The following MARK3 variants were observed in gnomAD, a reference collection of about 807,000 sequenced individuals.
MARK3 encodes the protein MAP/microtubule affinity-regulating kinase 3.
In MARK3, 46 loss-of-function variants were observed where a neutral mutation model predicts 90.1. The ratio of observed to expected loss-of-function variants is 0.51; its 90% CI spans 0.40 to 0.65. The LOEUF is 0.65. Ranked by LOEUF, MARK3 falls within the 30% of genes least tolerant of loss-of-function variation. The pLI is 0.00. For synonymous variants in MARK3, 321 were observed against 332.6 expected (o/e 0.97, Z 0.38); for missense variants, 818 against 947.2 (o/e 0.86, Z 1.79).
chr14:103,420,736 T>G (rs2140952731), intron 2 of MARK3, among the ~76,000 whole-genome samples: 1 of 152,302 alleles, frequency 6.6e-6, no homozygotes, highest in East Asian at 1.9e-4. Context: ...AATTTATTTG[T>G]AACACCCAAA....
At chr14:103,487,164 G>T (rs12878548) in intron 14 of MARK3, among the ~76,000 whole-genome samples, 51,306 of 149,846 alleles carry the variant, frequency 0.34, 9,223 homozygotes, top group East Asian at 0.5. Flanking sequence ...CAATCCACCC[G>T]CCTCAGCCTC....
chr14:103,466,149 A>C (rs1228833107), intron 9 of MARK3, 58 bp downstream of exon 9: 1 of 1,584,378 alleles, frequency 6.3e-7, no homozygotes, highest in Non-Finnish European at 8.6e-7. Context: ...GTGACCTTAG[A>C]TCTTTGCTTG....
intron 14 of MARK3, among the ~76,000 whole-genome samples, chr14:103,487,108 G>T (rs2141960714): frequency 6.6e-6 from 1 of 151,242 alleles, no homozygotes; most frequent in Middle Eastern, 3.4e-3. Context: ...GTAGTGATGG[G>T]TTTTTGCCAT....
At chr14:103,499,815 G>A (rs2075553914) in intron 16 of MARK3, 2 of 273,872 alleles carry the variant, frequency 7.3e-6, no homozygotes, top group Non-Finnish European at 1.4e-5. Flanking sequence ...GAGGCCGAGT[G>A]TGCTCAGGCT....
intron 15 of MARK3, among the ~76,000 whole-genome samples, chr14:103,495,493 G>C (rs2075291298): frequency 6.9e-6 from 1 of 144,570 alleles, no homozygotes; most frequent in African/African-American, 2.6e-5. Flanking sequence ...AAAAAAAAAA[G>C]TATCAGGCTG....
At chr14:103,422,009 A>G (rs2092240862) in intron 2 of MARK3, among the ~76,000 whole-genome samples, 1 of 152,206 alleles carries the variant, frequency 6.6e-6, no homozygotes, top group Admixed American at 6.5e-5. Context: ...GGCCACTTTT[A>G]ATCTTTTAAA....
intron 1 of MARK3, among the ~76,000 whole-genome samples, chr14:103,399,989 C>T (rs1373564240): frequency 3.3e-5 from 5 of 150,158 alleles, no homozygotes; most frequent in South Asian, 2.2e-4. Context: ...AGTGCAGTGG[C>T]GGAATCTCAG....
At chr14:103,421,552 T>C (rs1330040104) in intron 2 of MARK3, among the ~76,000 whole-genome samples, 2 of 152,328 alleles carry the variant, frequency 1.3e-5, no homozygotes, top group African/African-American at 4.8e-5. Context: ...CTTAGCCTCA[T>C]AGAGGCCAGA....
rs983038241 is a variant in MARK3, at chr14:103,450,024, C to G, written c.346+1057C>G. Among the ~76,000 whole-genome samples the G allele has an allele frequency of 2.6e-5, 4 of 152,092 alleles. No homozygotes were observed. The South Asian group carries it at 8.3e-4, about 32-fold the overall frequency. On this transcript the variant is annotated intron_variant, in intron 4 of 17. Coordinates refer to ENST00000429436, the MANE Select transcript of MARK3 (RefSeq NM_001128918.3). ...AGAGAGCTGCTTTTTTAACAAAAGG[C>G]GTATGCCCTATTTCATCAGTCTAAA...
chr14:103,481,390 C>G (rs2093815401), intron 14 of MARK3, among the ~76,000 whole-genome samples: 1 of 152,130 alleles, frequency 6.6e-6, no homozygotes, highest in African/African-American at 2.4e-5. Flanking sequence ...GTGTGAGGTT[C>G]TGTTTCTTAA....
intron 6 of MARK3, 37 bp downstream of exon 6, chr14:103,457,249 A>C (rs1296109849): frequency 8.4e-6 from 12 of 1,431,308 alleles, no homozygotes; most frequent in Middle Eastern, 2.0e-4. Context: ...TCAATTTGAT[A>C]ATTTATCTCA....
intron 3 of MARK3, among the ~76,000 whole-genome samples, chr14:103,444,312 G>C (rs1457540111): frequency 1.3e-5 from 2 of 151,938 alleles, no homozygotes; most frequent in African/African-American, 4.8e-5. Context: ...TTCTCCTCTT[G>C]TGTGCCAGTT....
chr14:103,502,452 C>G (rs1265135622), intron 17 of MARK3, among the ~76,000 whole-genome samples: 2 of 152,196 alleles, frequency 1.3e-5, no homozygotes, highest in East Asian at 3.8e-4. Flanking sequence ...TACAGTGATT[C>G]ACATCTGAAA....
At chr14:103,444,575 G>A (rs535917968) in intron 3 of MARK3, among the ~76,000 whole-genome samples, 94 of 152,206 alleles carry the variant, frequency 6.2e-4, no homozygotes, top group African/African-American at 2.1e-3. Flanking sequence ...TCAGGAGATC[G>A]AGACCATCCT....
At chr14:103,480,070 G>A (rs1323865760) in intron 13 of MARK3, among the ~76,000 whole-genome samples, 1 of 151,812 alleles carries the variant, frequency 6.6e-6, no homozygotes, top group Non-Finnish European at 1.5e-5. Flanking sequence ...GCAGTGAGCC[G>A]AGATCGCACC....
intron 3 of MARK3, among the ~76,000 whole-genome samples, chr14:103,446,658 T>G (rs1202636308): frequency 6.6e-6 from 1 of 151,318 alleles, no homozygotes; most frequent in Admixed American, 6.6e-5. Context: ...TCATTCTCAG[T>G]GCTGTGTATC....
At chr14:103,419,300 T>C (rs967710880) in intron 2 of MARK3, among the ~76,000 whole-genome samples, 14 of 152,000 alleles carry the variant, frequency 9.2e-5, no homozygotes, top group Non-Finnish European at 1.9e-4. Context: ...CATAAATAAA[T>C]AAATAAATAG....
chr14:103,485,378 A>T (rs1332172162), intron 14 of MARK3, among the ~76,000 whole-genome samples: 4 of 149,016 alleles, frequency 2.7e-5, no homozygotes, highest in Non-Finnish European at 5.9e-5. Flanking sequence ...GGCTCAAATG[A>T]TCCTCCTGTG....
chr14:103,465,489 C>G, intron 7 of MARK3, 68 bp from the exon 8 acceptor site: 1 of 1,096,186 alleles, frequency 9.1e-7, no homozygotes, highest in Non-Finnish European at 1.4e-6. Context: ...TCTAAAATGC[C>G]TAATCCTGTC....
Sources: gnomAD v4.1 joint callset for allele counts (sites outside exome capture counted in the v4.1 genomes callset) on GRCh38, gnomAD v4.1.1 for gene constraint, MANE v1.5 for transcripts, NCBI Gene and HGNC (gene_info 2026-07-23, HGNC 2026-07-21) for gene names.